ZBED3: variants seen among roughly 807,000 people sequenced by gnomAD.
The protein encoded by ZBED3 is zinc finger BED domain-containing protein 3.
For synonymous variants in ZBED3, 175 were observed against 180.0 expected (o/e 0.97, Z 0.22); for missense variants, 388 against 362.9 (o/e 1.07, Z -0.56).
intron 1 of ZBED3, among the ~76,000 whole-genome samples, chr5:77,084,009 A>T (rs1000801034): frequency 1.3e-5 from 2 of 152,142 alleles, no homozygotes; most frequent in African/African-American, 4.8e-5. Flanking sequence ...CCTTGAAAAA[A>T]TTTTTAAACT....
intron 1 of ZBED3, chr5:77,086,605 C>T (rs75124672): frequency 4.0e-5 from 5 of 124,552 alleles, no homozygotes; most frequent in Non-Finnish European, 7.7e-5. Context: ...CAGCGGACTC[C>T]GAAAGGAGCG....
chr5:77,081,038 C>T (rs1168239654), intron 1 of ZBED3, among the ~76,000 whole-genome samples: 1 of 152,112 alleles, frequency 6.6e-6, no homozygotes, highest in Non-Finnish European at 1.5e-5. Flanking sequence ...AAGAGCTCTT[C>T]AAACACAATA....
chr5:77,080,708 A>G (rs1743111172), intron 1 of ZBED3: 2 of 443,374 alleles, frequency 4.5e-6, no homozygotes, highest in African/African-American at 2.0e-5. Flanking sequence ...CAAACACCGC[A>G]TGTTCTCATT....
At position 77,077,068 on chromosome 5, in the gene ZBED3, GCGGCTGCGGGCCTGGCTTCGGTTA is replaced by G; in HGVS notation, c.*82_*105del. ...GTTAGCTGGAGCTTCCGAGTGAGTA[GCGGCTGCGGGCCTGGCTTCGGTTA>G]CGGCTTCGGTCCCAGCGGGGTCTGA... On this transcript the variant is annotated 3_prime_UTR_variant, in exon 3 of 3. Coordinates refer to ENST00000255198, the MANE Select transcript of ZBED3 (RefSeq NM_032367.4). 2 of 825,140 alleles carry G rather than the reference GCGGCTGCGGGCCTGGCTTCGGTTA, an allele frequency of 2.4e-6. No individual in the cohort carries two copies. Among genetic ancestry groups the G allele is most frequent in the African/African-American group, 1.8e-5 (1 of 56,088 alleles). 51.1% of individuals were successfully genotyped at this position (825,140 alleles called of 1,614,324 possible). A position where few individuals can be genotyped will look rare whatever the true frequency, so the allele number is the denominator to read the frequency against.
intron 1 of ZBED3, among the ~76,000 whole-genome samples, chr5:77,081,291 T>C (rs1029577152): frequency 1.3e-5 from 2 of 151,854 alleles, no homozygotes; most frequent in Non-Finnish European, 2.9e-5. Context: ...CTAGTGAAGA[T>C]GGGATGGATT....
At chr5:77,079,562 AT>A (rs200218541) in intron 1 of ZBED3, among the ~76,000 whole-genome samples, 1 of 152,190 alleles carries the variant, frequency 6.6e-6, no homozygotes, top group African/African-American at 2.4e-5. Flanking sequence ...TTAACATATC[AT>A]TTTTTTAAAA....
chr5:77,077,686 G>T lies in ZBED3; in HGVS notation c.193C>A (p.His65Asn), dbSNP rs1743050310. 2.9e-6 allele frequency: 4 copies of T among 1,362,914 alleles called. No homozygotes were observed. The East Asian group carries it at 1.2e-4, about 42-fold the overall frequency. 84.4% of individuals were successfully genotyped at this position (1,362,914 alleles called of 1,614,324 possible). Reference sequence around the variant, plus strand: ...CCGCACAGACGGCAGGTGGCCCAGTGGCCCGACGGATGCCCGGGGCGCCCC... The same window carrying T: ...CCGCACAGACGGCAGGTGGCCCAGTTGCCCGACGGATGCCCGGGGCGCCCC... The part of the protein sequence containing the change: ...APGRPGHPSG[H>N]WATCRLCGEQ... The change falls in exon 3 of 3, where the codon CAC becomes AAC. Residue 65 changes from histidine (H) to asparagine (N), a missense_variant. His to Asn is a moderately conservative substitution (Grantham distance 68). Transcript: ENST00000255198.
At chr5:77,083,100 G>A (rs1271775513) in intron 1 of ZBED3, among the ~76,000 whole-genome samples, 1 of 152,150 alleles carries the variant, frequency 6.6e-6, no homozygotes, top group African/African-American at 2.4e-5. Flanking sequence ...TTGCACGATT[G>A]TACTCCAGCC....
chr5:77,077,836 C>G lies in ZBED3; in HGVS notation c.43G>C (p.Gly15Arg), dbSNP rs759492668. ...CCCCGCGCCGCCGCGTCGTCCAGCC[C>G]GCGGGCCTGGTCCATGGTGCAGGCC... ...EPACTMDQAR[G>R]LDDAAARGGQ... The change falls in exon 3 of 3, where the codon GGG becomes CGG. Residue 15 changes from glycine to arginine, a missense_variant. By Grantham distance (125) the Gly-to-Arg change is moderately radical. Transcript: ENST00000255198. The G allele has an allele frequency of 8.5e-6, 11 of 1,293,314 alleles. No individual in the cohort carries two copies. Among genetic ancestry groups the G allele is most frequent in the Non-Finnish European group, 1.1e-5 (11 of 1,026,440 alleles). The allele number at this position is 1,293,314 out of a possible 1,614,324, so 80.1% of individuals were successfully genotyped here.
At chr5:77,078,037 T>C (rs1156897959) in intron 2 of ZBED3, 142 bp from the exon 3 acceptor site, 4 of 571,026 alleles carry the variant, frequency 7.0e-6, no homozygotes, top group African/African-American at 1.9e-5. Context: ...CTAAGTTTCT[T>C]TCTAATTAAT....
rs931779342 is a variant in ZBED3 at position 77,075,133 on chromosome 5, A to C, written c.*2041T>G. 6.6e-6 allele frequency: 1 copy of C among 152,222 alleles called. No individual in the cohort carries two copies. The highest frequency in any genetic ancestry group is 6.5e-5 in the Admixed American group (1 of 15,276). The allele number at this position is 152,222 out of a possible 1,614,324, so 9.4% of individuals were successfully genotyped here. On this transcript the variant is annotated 3_prime_UTR_variant, in exon 3 of 3. Coordinates refer to ENST00000255198, the MANE Select transcript of ZBED3 (RefSeq NM_032367.4). ...GAGAACACTCGGCCTGGAGATATTCAGGAGTCCCTGGCCCAGAGGAGATTA... is the reference window on the plus strand; with the variant it reads ...GAGAACACTCGGCCTGGAGATATTCCGGAGTCCCTGGCCCAGAGGAGATTA...
chr5:77,080,526 T>C (rs1162896006), intron 1 of ZBED3: 1 of 519,158 alleles, frequency 1.9e-6, no homozygotes, highest in Non-Finnish European at 3.8e-6. Flanking sequence ...TCTTAACCGG[T>C]GGAAGGCAGC....
At position 77,076,932 on chromosome 5, in the gene ZBED3, C is replaced by T; in HGVS notation, c.*242G>A. The T allele has an allele frequency of 3.0e-6, 1 of 337,304 alleles. No homozygotes were observed. The highest frequency in any genetic ancestry group is 5.3e-6 in the Non-Finnish European group (1 of 188,082). 20.9% of individuals were successfully genotyped at this position (337,304 alleles called of 1,614,324 possible). ...CACCCCAATTCCTTGCGTGCATGCC[C>T]ACGAAAGGCCGCCCAGGCACCCCCG... is the stretch of plus-strand genomic sequence containing the variant. On this transcript the variant is annotated 3_prime_UTR_variant, in exon 3 of 3. Coordinates refer to ENST00000255198, the MANE Select transcript of ZBED3 (RefSeq NM_032367.4).
chr5:77,082,538 A>G (rs1309549724), intron 1 of ZBED3, among the ~76,000 whole-genome samples: 1 of 152,230 alleles, frequency 6.6e-6, no homozygotes, highest in Non-Finnish European at 1.5e-5. Context: ...ATGTCTTACA[A>G]GGATATCTGG....
At chr5:77,079,696 A>G (rs560783034) in intron 1 of ZBED3, among the ~76,000 whole-genome samples, 16 of 152,380 alleles carry the variant, frequency 1.1e-4, no homozygotes, top group African/African-American at 3.8e-4. Flanking sequence ...CTCATGATAA[A>G]GACCAATTAG....
chr5:77,080,226 CT>C (rs1387207876), intron 1 of ZBED3, among the ~76,000 whole-genome samples: 2 of 152,220 alleles, frequency 1.3e-5, no homozygotes, highest in Middle Eastern at 3.2e-3. Flanking sequence ...TGATGTGCCC[CT>C]GATAGTGCCA....
rs1186407778 is a variant in ZBED3, at chr5:77,075,338, A to C, written c.*1836T>G. 1 of 152,226 alleles carries C rather than the reference A, an allele frequency of 6.6e-6. No individual in the cohort carries two copies. Among genetic ancestry groups the C allele is most frequent in the African/African-American group, 2.4e-5 (1 of 41,460 alleles). 9.4% of individuals were successfully genotyped at this position (152,226 alleles called of 1,614,324 possible). A position where few individuals can be genotyped will look rare whatever the true frequency, so the allele number is the denominator to read the frequency against. ...AAGTGACTAGAGTTGAAACCAAAAG[A>C]ATGTATGAACCTTGATGGGACCTGG... is the stretch of plus-strand genomic sequence containing the variant. On this transcript the variant is annotated 3_prime_UTR_variant, in exon 3 of 3. Transcript: ENST00000255198.
chr5:77,086,404 A>G (rs535859613), intron 1 of ZBED3, among the ~76,000 whole-genome samples: 6 of 152,318 alleles, frequency 3.9e-5, no homozygotes, highest in Non-Finnish European at 7.3e-5. Flanking sequence ...AAACAGCAGA[A>G]AATAATTACC....
At position 77,075,993 on chromosome 5, in the gene ZBED3, GTA is replaced by G. The variant is rs1230338430; in HGVS notation, c.*1179_*1180del. ...TATATGTATATATGTATATATATATGTATATATGTATATATATATGTATATAT... is the reference window on the plus strand; with the variant it reads ...TATATGTATATATGTATATATATATGTATATGTATATATATATGTATATAT... On this transcript the variant is annotated 3_prime_UTR_variant, in exon 3 of 3. Coordinates refer to ENST00000255198, the MANE Select transcript of ZBED3 (RefSeq NM_032367.4). 160 of 20,558 alleles carry G rather than the reference GTA, an allele frequency of 7.8e-3. 41 individuals carry two copies. The highest frequency in any genetic ancestry group is 0.02 in the Middle Eastern group (1 of 50). The allele number at this position is 20,558 out of a possible 1,614,324, so 1.3% of individuals were successfully genotyped here. A position where few individuals can be genotyped will look rare whatever the true frequency, so the allele number is the denominator to read the frequency against.
Sources: allele counts gnomAD v4.1 joint callset (sites outside exome capture counted in the v4.1 genomes callset), GRCh38; gene constraint gnomAD v4.1.1; transcripts MANE v1.5; gene names NCBI Gene and HGNC (gene_info 2026-07-23, HGNC 2026-07-21).